Variants in EEF1AKMT4 observed in about 807,000 individuals in gnomAD.
EEF1AKMT4 encodes eukaryotic translation elongation factor 1 alpha lysine specific methyltransferase 4.
A neutral mutation model predicts 23.0 loss-of-function variants in EEF1AKMT4; 17 were observed. The observed-to-expected ratio is 0.74, with a 90% CI of 0.51 to 1.11. EEF1AKMT4 has a LOEUF of 1.11. Ranked by LOEUF, EEF1AKMT4 falls within the 50% of genes least tolerant of loss-of-function variation. The pLI is 0.00. For synonymous variants in EEF1AKMT4, 140 were observed against 141.4 expected, an observed-to-expected ratio of 0.99 and a Z score of 0.07; for missense variants, 318 against 333.4, an observed-to-expected ratio of 0.95 and a Z score of 0.36.
At chr3:184,253,453 T>G (rs561183678) in intron 1 of EEF1AKMT4, among the ~76,000 whole-genome samples, 1 of 152,288 alleles carries the variant, frequency 6.6e-6, no homozygotes, top group East Asian at 1.9e-4. Flanking sequence ...AATGGTCATA[T>G]GGATATAGCT....
At chr3:184,257,083 G>A (rs543743010) in intron 1 of EEF1AKMT4, among the ~76,000 whole-genome samples, 1 of 151,464 alleles carries the variant, frequency 6.6e-6, no homozygotes, top group East Asian at 2.0e-4. Context: ...GGTGGCACGC[G>A]CCTGTAATCC....
chr3:184,258,471 C>G lies in EEF1AKMT4; in HGVS notation c.664C>G (p.Leu222Val). The change falls in exon 3 of 3, where the codon CTG becomes GTG. Residue 222 changes from leucine (L) to valine (V), a missense_variant. By Grantham distance (32) the Leu-to-Val change is conservative (BLOSUM62 1). Coordinates refer to ENST00000324557, the MANE Select transcript of EEF1AKMT4 (RefSeq NM_032331.4). Reference protein sequence around the residue: ...HKGGKLSVAQLALGAQILSPP... With the variant: ...HKGGKLSVAQVALGAQILSPP... ...GGGCGGGAAGCTCAGTGTGGCCCAG[C>G]TGGCTCTGGGGGCCCAAATCCTCTC... 1 of 1,613,880 alleles carries G rather than the reference C, an allele frequency of 6.2e-7. No homozygotes were observed. The highest frequency in any genetic ancestry group is 8.5e-7 in the Non-Finnish European group (1 of 1,179,880).
At chr3:184,250,948 G>A (rs1719513614) in intron 1 of EEF1AKMT4, among the ~76,000 whole-genome samples, 1 of 152,046 alleles carries the variant, frequency 6.6e-6, no homozygotes, top group Non-Finnish European at 1.5e-5. Flanking sequence ...AGTCGGGTGT[G>A]GTGGCGCATG....
At chr3:184,255,053 T>C (rs1358662489) in intron 1 of EEF1AKMT4, among the ~76,000 whole-genome samples, 1 of 152,210 alleles carries the variant, frequency 6.6e-6, no homozygotes, top group Non-Finnish European at 1.5e-5. Context: ...CCAGCTTTTG[T>C]TTCCCCTTCA....
chr3:184,255,871 C>G (rs542558785), intron 1 of EEF1AKMT4, among the ~76,000 whole-genome samples: 20 of 152,390 alleles, frequency 1.3e-4, no homozygotes, highest in Admixed American at 1.0e-3. Flanking sequence ...TATTGAAACA[C>G]TCATCATGTT....
At position 184,257,734 on chromosome 3, in the gene EEF1AKMT4, CTG is replaced by C. The variant is rs750353066; in HGVS notation, c.461_462del (p.Val154GlyfsTer6). 14 of 1,613,210 alleles carry C rather than the reference CTG, an allele frequency of 8.7e-6. No individual in the cohort carries two copies. The South Asian group carries it at 1.5e-4, about 18-fold the overall frequency. On this transcript the variant is annotated frameshift_variant, in exon 2 of 3. Transcript: ENST00000324557. LOFTEE classifies it high-confidence loss of function. ...ACCGTGTCCTCTGAAGGTGTCCACA[CTG>C]TGGACCAGGTGTTGAGTGAGGTGAG...
In EEF1AKMT4 at chr3:184,254,362, C is replaced by T. The variant is rs142838894; in HGVS notation, c.197-3111C>T. Among the ~76,000 whole-genome samples, 396 of 152,082 alleles carry T rather than the reference C, an allele frequency of 2.6e-3. 3 individuals carry two copies. Among genetic ancestry groups the T allele is most frequent in the African/African-American group, 8.7e-3 (360 of 41,478 alleles). ...TCTTGGCCCACTGCAGCCTCTTGAA[C>T]TCCTATGCTTAAGCGATTCTTTGGA... is the stretch of plus-strand genomic sequence containing the variant. On this transcript the variant is annotated intron_variant, in intron 1 of 2. Coordinates refer to ENST00000324557, the MANE Select transcript of EEF1AKMT4 (RefSeq NM_032331.4).
intron 1 of EEF1AKMT4, among the ~76,000 whole-genome samples, chr3:184,256,221 G>A (rs145908547): frequency 0.018 from 2,530 of 142,948 alleles, 35 homozygotes; most frequent in Middle Eastern, 0.031. Flanking sequence ...GCAGTGAGCC[G>A]AGATCGTGCC....
intron 1 of EEF1AKMT4, among the ~76,000 whole-genome samples, chr3:184,250,978 G>C (rs1237853146): frequency 1.3e-5 from 2 of 151,974 alleles, no homozygotes; most frequent in African/African-American, 4.8e-5. Context: ...CCAACTACTT[G>C]GGAGGCTGAG....
intron 1 of EEF1AKMT4, among the ~76,000 whole-genome samples, chr3:184,256,272 C>CAAAAAAAAAAAAAAAAAAA (rs59087969): frequency 9.1e-4 from 49 of 54,106 alleles, no homozygotes; most frequent in Non-Finnish European, 1.2e-3. Flanking sequence ...AACTCCATCT[C>CAAAAAAAAAAAAAAAAAAA]AAAAAAAAAA....
intron 2 of EEF1AKMT4, 78 bp from the exon 3 acceptor site, chr3:184,258,210 A>G: frequency 7.4e-7 from 1 of 1,347,086 alleles, no homozygotes; most frequent in Non-Finnish European, 1.0e-6. Context: ...TTTGACTGGG[A>G]GAGCATCTGG....
chr3:184,253,495 G>A (rs1193861655), intron 1 of EEF1AKMT4, among the ~76,000 whole-genome samples: 4 of 152,102 alleles, frequency 2.6e-5, no homozygotes, highest in Non-Finnish European at 4.4e-5. Flanking sequence ...AAGGTGAGTG[G>A]GCCTCTTGAA....
chr3:184,254,574 G>A (rs190848674), intron 1 of EEF1AKMT4, among the ~76,000 whole-genome samples: 44 of 151,038 alleles, frequency 2.9e-4, no homozygotes, highest in African/African-American at 8.7e-4. Flanking sequence ...TTAGCCGGGC[G>A]TGGTGGCGGG....
rs1238919437 is a variant in EEF1AKMT4 at position 184,258,470 on chromosome 3, G to C, written c.663G>C (p.Gln221His). 1 of 1,613,832 alleles carries C rather than the reference G, an allele frequency of 6.2e-7. No individual in the cohort carries two copies. Among genetic ancestry groups the C allele is most frequent in the Admixed American group, 1.7e-5 (1 of 59,986 alleles). ...MHKGGKLSVAQLALGAQILSP... is the reference protein window; with the variant it reads ...MHKGGKLSVAHLALGAQILSP... ...AGGGCGGGAAGCTCAGTGTGGCCCA[G>C]CTGGCTCTGGGGGCCCAAATCCTCT... Residue 221 changes from glutamine (Q) to histidine (H), a missense_variant, in exon 3 of 3, where the codon CAG becomes CAC. Physicochemically the swap from Gln to His is conservative, Grantham distance 24 (BLOSUM62 0). Transcript: ENST00000324557.
At chr3:184,251,235 T>C (rs1178871642) in intron 1 of EEF1AKMT4, among the ~76,000 whole-genome samples, 3 of 152,038 alleles carry the variant, frequency 2.0e-5, no homozygotes, top group East Asian at 1.9e-4. Context: ...TGAGATCCCA[T>C]CTCTACAAAA....
chr3:184,253,525 A>G (rs761473291), intron 1 of EEF1AKMT4, among the ~76,000 whole-genome samples: 1 of 152,216 alleles, frequency 6.6e-6, no homozygotes, highest in African/African-American at 2.4e-5. Flanking sequence ...GCAGTTGAAC[A>G]CAGTGGTTTA....
At chr3:184,257,103 A>G (rs985356618) in intron 1 of EEF1AKMT4, among the ~76,000 whole-genome samples, 1 of 151,360 alleles carries the variant, frequency 6.6e-6, no homozygotes, top group African/African-American at 2.4e-5. Context: ...CCAGCTCCTC[A>G]GAAGGCTGAG....
At chr3:184,249,976 TG>T in intron 1 of EEF1AKMT4, 86 bp downstream of exon 1, 1 of 1,442,782 alleles carries the variant, frequency 6.9e-7, no homozygotes, top group Non-Finnish European at 9.4e-7. Context: ...TCCTCCCGCC[TG>T]TCTATCCCTC....
At chr3:184,251,663 A>G (rs113561513) in intron 1 of EEF1AKMT4, among the ~76,000 whole-genome samples, 22 of 152,270 alleles carry the variant, frequency 1.4e-4, no homozygotes, top group Non-Finnish European at 2.8e-4. Context: ...GATGGCTCCA[A>G]TGGGCTCCAG....
Sources: gnomAD v4.1 joint callset for allele counts (sites outside exome capture counted in the v4.1 genomes callset) on GRCh38, gnomAD v4.1.1 for gene constraint, MANE v1.5 for transcripts, NCBI Gene and HGNC (gene_info 2026-07-23, HGNC 2026-07-21) for gene names.